MAPK8IP3: variants seen among roughly 807,000 people sequenced by gnomAD.
MAPK8IP3 encodes the protein mitogen-activated protein kinase 8 interacting protein 3.
A neutral mutation model predicts 157.8 loss-of-function variants in MAPK8IP3; 49 were observed. The ratio of observed to expected loss-of-function variants is 0.31; its 90% confidence interval spans 0.25 to 0.39. The LOEUF is 0.39. Among genes scored for constraint, MAPK8IP3 ranks in the 10% least tolerant of loss-of-function variants. The pLI is 1.00. For synonymous variants in MAPK8IP3, 897 were observed against 777.7 expected (o/e 1.15, Z -2.55); for missense variants, 1,478 against 1,889.4 (o/e 0.78, Z 4.04).
chr16:1,744,702 C>T (rs1179326057), intron 5 of MAPK8IP3: 29 of 985,484 alleles, frequency 2.9e-5, no homozygotes, highest in Non-Finnish European at 3.0e-5. Flanking sequence ...CTCTGGCCTC[C>T]GGGCTGCCTC....
At chr16:1,722,198 T>C (rs1357804378) in intron 1 of MAPK8IP3, among the ~76,000 whole-genome samples, 1 of 152,220 alleles carries the variant, frequency 6.6e-6, no homozygotes, top group East Asian at 1.9e-4. Context: ...AAGTCATGCA[T>C]TTTCTCAGCT....
At chr16:1,753,998 C>CCTT (rs1367221020) in intron 8 of MAPK8IP3, among the ~76,000 whole-genome samples, 8 of 151,588 alleles carry the variant, frequency 5.3e-5, no homozygotes, top group African/African-American at 1.9e-4. Flanking sequence ...ATAGTGAACC[C>CCTT]CATCTCTACT....
chr16:1,740,481 ATC>A (rs1491183758), intron 4 of MAPK8IP3, among the ~76,000 whole-genome samples: 12 of 151,338 alleles, frequency 7.9e-5, no homozygotes, highest in Non-Finnish European at 1.5e-4. Flanking sequence ...CCGTGTGAGC[ATC>A]TGTGTGACCG....
At chr16:1,716,123 C>A (rs919746079) in intron 1 of MAPK8IP3, among the ~76,000 whole-genome samples, 2 of 152,118 alleles carry the variant, frequency 1.3e-5, no homozygotes, top group African/African-American at 2.4e-5. Flanking sequence ...AAAGAACTTT[C>A]CTGGCCATTG....
Position 1,762,749 on chromosome 16 carries a change from G to A in MAPK8IP3, c.1727+18G>A. On this transcript the variant is annotated intron_variant, in intron 15 of 31. Transcript: ENST00000610761. The stretch of plus-strand genomic sequence containing the variant: ...TGGCAGTTGTAAGCTGGGGGCCCCT[G>A]GGGGATGTGGGCAGCAGCTGCAGGG... 1 of 1,584,498 alleles carries A rather than the reference G, an allele frequency of 6.3e-7. No individual in the cohort carries two copies. The highest frequency in any genetic ancestry group is 8.6e-7 in the Non-Finnish European group (1 of 1,162,736).
At position 1,741,648 on chromosome 16, in the gene MAPK8IP3, C is replaced by T. The variant is rs2040690192; in HGVS notation, c.603-1684C>T. Among the ~76,000 whole-genome samples the T allele has an allele frequency of 6.6e-6, 1 of 152,100 alleles. No homozygotes were observed. The highest frequency in any genetic ancestry group is 1.5e-5 in the Non-Finnish European group (1 of 67,986). On this transcript the variant is annotated intron_variant, in intron 4 of 31. Transcript: ENST00000610761. This position sits in a 1 kb window ranked among gnomAD's most constrained non-coding sequence, Gnocchi z 6.9. The stretch of plus-strand genomic sequence containing the variant: ...AAGTGGGGCCAGGAGGCCCCTGGTG[C>T]AGACAGGGCGGTTGAAGCCCAGCCT...
At chr16:1,756,724 A>C (rs1006870446) in intron 8 of MAPK8IP3, among the ~76,000 whole-genome samples, 34 of 151,408 alleles carry the variant, frequency 2.2e-4, no homozygotes, top group African/African-American at 8.3e-4. Flanking sequence ...CAGGAGGCTG[A>C]GGTGGGAGGA....
In MAPK8IP3 at chr16:1,768,917, C is replaced by A. The variant is rs2042452137; in HGVS notation, c.*93C>A. The A allele has an allele frequency of 1.4e-6, 2 of 1,457,414 alleles. No homozygotes were observed. The highest frequency in any genetic ancestry group is 4.7e-5 in the East Asian group (2 of 42,644). 90.3% of individuals were successfully genotyped at this position (1,457,414 alleles called of 1,614,324 possible). ...GGGGTAGCCAGCCAGGCGCCGCCGC[C>A]CCTCTTCTAACCTCTCAACCTGCAG... On this transcript the variant is annotated 3_prime_UTR_variant, in exon 32 of 32. Coordinates refer to ENST00000610761, the MANE Select transcript of MAPK8IP3 (RefSeq NM_001318852.2).
In MAPK8IP3 at chr16:1,724,730, C is replaced by T. The variant is rs559288709; in HGVS notation, c.439+53C>T. On this transcript the variant is annotated intron_variant, in intron 2 of 31. Coordinates refer to ENST00000610761, the MANE Select transcript of MAPK8IP3 (RefSeq NM_001318852.2). This position sits in a 1 kb window ranked among gnomAD's most constrained non-coding sequence, Gnocchi z 4.1. ...GCGCTTGATGGGCGCTGCTCTGGGA[C>T]GGCTCTGGTTGGGGTGGGCATGGAG... The T allele has an allele frequency of 3.3e-5, 52 of 1,588,292 alleles. No homozygotes were observed. The highest frequency in any genetic ancestry group is 2.2e-4 in the South Asian group (20 of 90,306).
intron 1 of MAPK8IP3, among the ~76,000 whole-genome samples, chr16:1,716,918 G>A (rs566423927): frequency 1.5e-4 from 23 of 152,158 alleles, no homozygotes; most frequent in Non-Finnish European, 2.9e-4. Context: ...AATTAGCCGC[G>A]TGTGGTGGTG....
chr16:1,739,393 CGT>C (rs1254996748), intron 4 of MAPK8IP3, among the ~76,000 whole-genome samples: 2 of 111,884 alleles, frequency 1.8e-5, no homozygotes, highest in Non-Finnish European at 3.7e-5. Context: ...TGTGAGCATC[CGT>C]GTGACCGTCC....
At chr16:1,734,555 G>A (rs886836302) in intron 4 of MAPK8IP3, among the ~76,000 whole-genome samples, 5 of 152,244 alleles carry the variant, frequency 3.3e-5, no homozygotes, top group African/African-American at 1.2e-4. Flanking sequence ...AGCTAAAGGA[G>A]GAAGGCACGG....
chr16:1,755,645 G>A (rs761570675), intron 8 of MAPK8IP3, among the ~76,000 whole-genome samples: 11 of 151,958 alleles, frequency 7.2e-5, no homozygotes, highest in African/African-American at 1.2e-4. Flanking sequence ...TCAAGAGATC[G>A]AGACCATCTT....
rs893237149 is a variant in MAPK8IP3, at chr16:1,768,884, C to T, written c.*60C>T. On this transcript the variant is annotated 3_prime_UTR_variant, in exon 32 of 32. Transcript: ENST00000610761. ...GACCCCCGACCACCTGACCCCCGCC[C>T]GGCCCGCGGGGTAGCCAGCCAGGCG... The T allele has an allele frequency of 8.6e-5, 137 of 1,584,972 alleles. No individual in the cohort carries two copies. The highest frequency in any genetic ancestry group is 1.1e-4 in the Non-Finnish European group (130 of 1,165,690).
intron 4 of MAPK8IP3, among the ~76,000 whole-genome samples, chr16:1,737,420 G>C (rs1441866192): frequency 3.8e-5 from 4 of 106,156 alleles, no homozygotes; most frequent in Non-Finnish European, 7.6e-5. Flanking sequence ...GTCCGTGTGA[G>C]CGTCCGTGTG....
rs139590450 is a variant in MAPK8IP3, at chr16:1,738,410, G to A, written c.603-4922G>A. On this transcript the variant is annotated intron_variant, in intron 4 of 31. Transcript: ENST00000610761. ...CATCCGTGTGACCGTGTGAGCGTCC[G>A]TGTGAGCGTGTGACCGTGTGAGAGA... is the stretch of plus-strand genomic sequence containing the variant. Among the ~76,000 whole-genome samples, 122 of 104,480 alleles carry A rather than the reference G, an allele frequency of 1.2e-3. 7 individuals are homozygous for A. Among genetic ancestry groups the A allele is most frequent in the Non-Finnish European group, 1.2e-3 (63 of 53,270 alleles). The allele number at this position is 104,480 out of a possible 152,430, so 68.5% of individuals were successfully genotyped here.
intron 26 of MAPK8IP3, 43 bp downstream of exon 26, chr16:1,767,340 C>A (rs760453038): frequency 1.9e-6 from 3 of 1,609,252 alleles, no homozygotes; most frequent in East Asian, 4.5e-5. Context: ...GAGGCTCCTG[C>A]TGGCCAGCAG....
chr16:1,732,045 G>T (rs1023151255), intron 4 of MAPK8IP3, among the ~76,000 whole-genome samples: 25 of 152,300 alleles, frequency 1.6e-4, no homozygotes, highest in African/African-American at 5.8e-4. Flanking sequence ...TCAGGAGAAA[G>T]CCGGGCTGCA....
intron 8 of MAPK8IP3, among the ~76,000 whole-genome samples, chr16:1,750,804 C>T (rs1024566435): frequency 2.6e-5 from 4 of 152,000 alleles, no homozygotes; most frequent in Non-Finnish European, 5.9e-5. Flanking sequence ...CACCACCATG[C>T]CCAGGTAATT....
Sources: gnomAD v4.1 joint callset for allele counts (sites outside exome capture counted in the v4.1 genomes callset) on GRCh38, gnomAD v4.1.1 for gene constraint, Gnocchi (gnomAD v3.1) non-coding constraint, MANE v1.5 for transcripts, NCBI Gene and HGNC (gene_info 2026-07-23, HGNC 2026-07-21) for gene names.